ZNF385D: variants seen among roughly 807,000 people sequenced by gnomAD.
ZNF385D encodes zinc finger protein 659.
A neutral mutation model predicts 35.8 loss-of-function variants in ZNF385D; 15 were observed. The observed-to-expected ratio is 0.42, with a 90% CI of 0.28 to 0.64. ZNF385D has a LOEUF of 0.64. ZNF385D is among the 30% of genes least tolerant of loss of function. ZNF385D has a pLI of 0.23. For synonymous variants in ZNF385D, 212 were observed against 186.8 expected, an observed-to-expected ratio of 1.13 and a Z score of -1.10; for missense variants, 474 against 494.6, an observed-to-expected ratio of 0.96 and a Z score of 0.39.
At chr3:21,932,618 C>A (rs1701069543) in intron 3 of ZNF385D, among the ~76,000 whole-genome samples, 1 of 151,718 alleles carries the variant, frequency 6.6e-6, no homozygotes, top group Non-Finnish European at 1.5e-5. Flanking sequence ...GAATTGGAGT[C>A]AGGATTATTT....
intron 3 of ZNF385D, among the ~76,000 whole-genome samples, chr3:22,146,991 A>G (rs768925941): frequency 2.0e-5 from 3 of 152,178 alleles, no homozygotes; most frequent in Non-Finnish European, 4.4e-5. Context: ...AAACGAAACA[A>G]AATTTGGTAA....
intron 2 of ZNF385D, among the ~76,000 whole-genome samples, chr3:22,273,917 T>A (rs1206952450): frequency 6.6e-6 from 1 of 152,030 alleles, no homozygotes; most frequent in Non-Finnish European, 1.5e-5. Context: ...ATGTTTTTCC[T>A]ACAAAAAGAA....
chr3:22,259,359 AATT>A (rs143949368), intron 2 of ZNF385D, among the ~76,000 whole-genome samples: 1,929 of 151,996 alleles, frequency 0.013, 61 homozygotes, highest in South Asian at 0.09. Context: ...CATTCATAGC[AATT>A]ATTAAGTCAT....
intron 3 of ZNF385D, among the ~76,000 whole-genome samples, chr3:22,063,509 C>T (rs1241210662): frequency 1.3e-5 from 2 of 152,144 alleles, no homozygotes; most frequent in African/African-American, 4.8e-5. Context: ...GAGTATAACA[C>T]TTGAGAAGCC....
intron 3 of ZNF385D, among the ~76,000 whole-genome samples, chr3:22,080,047 C>T (rs1700669723): frequency 1.3e-5 from 2 of 152,016 alleles, no homozygotes; most frequent in Admixed American, 1.3e-4. Context: ...GACTGCCAAC[C>T]TACACCTATG....
intron 3 of ZNF385D, among the ~76,000 whole-genome samples, chr3:21,993,159 G>A (rs1695245638): frequency 6.6e-6 from 1 of 152,098 alleles, no homozygotes; most frequent in South Asian, 2.1e-4. Context: ...TATCAGCTAT[G>A]GAAAACAAAG....
At chr3:21,964,968 A>G (rs1048997506) in intron 3 of ZNF385D, among the ~76,000 whole-genome samples, 3 of 152,220 alleles carry the variant, frequency 2.0e-5, no homozygotes, top group African/African-American at 2.4e-5. Context: ...AAAATACGTT[A>G]GCACTTAGGT....
At chr3:21,545,394 A>G (rs1234649953) in intron 3 of ZNF385D, among the ~76,000 whole-genome samples, 1 of 152,216 alleles carries the variant, frequency 6.6e-6, no homozygotes, top group African/African-American at 2.4e-5. Flanking sequence ...AGCAGAAGCA[A>G]CTTTTTTGAC....
At chr3:21,956,337 T>C (rs145792725) in intron 3 of ZNF385D, among the ~76,000 whole-genome samples, 59 of 152,138 alleles carry the variant, frequency 3.9e-4, no homozygotes, top group African/African-American at 1.4e-3. Context: ...CCTTTACAAA[T>C]GTGATATTCC....
rs541807353 is a variant in ZNF385D at position 21,750,715 on chromosome 3, C to T, written c.22+180G>A. 1.6e-3 allele frequency among the ~76,000 whole-genome samples: 243 copies of T among 151,726 alleles called. 1 individual carries two copies. The highest frequency in any genetic ancestry group is 2.5e-3 in the Non-Finnish European group (171 of 67,934). Reference sequence around the variant, plus strand: ...TTAAACTCATCCACGGCTAAATTAACAGCCCCAGTTGTGGCACAAAGGAAG... The same window carrying T: ...TTAAACTCATCCACGGCTAAATTAATAGCCCCAGTTGTGGCACAAAGGAAG... On this transcript the variant is annotated intron_variant, in intron 1 of 7. Transcript: ENST00000281523.
chr3:21,965,322 T>C (rs1702854325), intron 3 of ZNF385D, among the ~76,000 whole-genome samples: 1 of 152,144 alleles, frequency 6.6e-6, no homozygotes, highest in Admixed American at 6.6e-5. Context: ...TACTCAAAAA[T>C]CAATTACTGA....
intron 1 of ZNF385D, among the ~76,000 whole-genome samples, chr3:21,675,044 C>T: frequency 6.6e-6 from 1 of 151,966 alleles, no homozygotes; most frequent in Non-Finnish European, 1.5e-5. Flanking sequence ...TCCAAATTAA[C>T]AATGGTGTAC....
chr3:22,121,765 C>G (rs142722387), intron 3 of ZNF385D, among the ~76,000 whole-genome samples: 1 of 151,000 alleles, frequency 6.6e-6, no homozygotes, highest in African/African-American at 2.4e-5. Flanking sequence ...CTTTCCCTTT[C>G]TCTTGGGTTT....
At chr3:21,861,025 T>G (rs1215601858) in intron 3 of ZNF385D, among the ~76,000 whole-genome samples, 3 of 152,150 alleles carry the variant, frequency 2.0e-5, no homozygotes, top group Admixed American at 6.6e-5. Flanking sequence ...TACCTTGCAA[T>G]ACTTAAAATA....
intron 3 of ZNF385D, among the ~76,000 whole-genome samples, chr3:21,779,724 A>C (rs372524142): frequency 6.6e-5 from 10 of 152,094 alleles, no homozygotes; most frequent in African/African-American, 2.4e-4. Context: ...TCTATGACAA[A>C]AGAATAAGGA....
chr3:21,992,270 A>G (rs1177432410), intron 3 of ZNF385D, among the ~76,000 whole-genome samples: 1 of 152,152 alleles, frequency 6.6e-6, no homozygotes, highest in Non-Finnish European at 1.5e-5. Flanking sequence ...GAAGGTATCT[A>G]GTAGCTGCAG....
intron 1 of ZNF385D, among the ~76,000 whole-genome samples, chr3:21,709,254 A>C (rs1388345851): frequency 1.3e-5 from 2 of 152,168 alleles, no homozygotes; most frequent in Non-Finnish European, 2.9e-5. Flanking sequence ...CTGTGCTTTG[A>C]TGAAGCAGTG....
intron 3 of ZNF385D, among the ~76,000 whole-genome samples, chr3:21,929,265 T>C (rs2125242673): frequency 6.6e-6 from 1 of 152,180 alleles, no homozygotes; most frequent in South Asian, 2.1e-4. Context: ...AATATTATAC[T>C]CATTTATCAT....
intron 3 of ZNF385D, among the ~76,000 whole-genome samples, chr3:21,811,343 G>T (rs1487024929): frequency 6.6e-6 from 1 of 152,000 alleles, no homozygotes; most frequent in East Asian, 1.9e-4. Flanking sequence ...TTCAGGACTG[G>T]GAGAGGAAAT....
Sources: gnomAD v4.1 joint callset for allele counts (sites outside exome capture counted in the v4.1 genomes callset) on GRCh38, gnomAD v4.1.1 for gene constraint, MANE v1.5 for transcripts, NCBI Gene and HGNC (gene_info 2026-07-23, HGNC 2026-07-21) for gene names.